SIL1: variants seen among roughly 807,000 people sequenced by gnomAD.
SIL1 encodes nucleotide exchange factor SIL1.
Under a neutral mutation model 49.1 loss-of-function variants are expected in SIL1, and 40 were observed. That is an observed-to-expected ratio of 0.81 (90% CI 0.63 to 1.06). The LOEUF is 1.06. Among genes scored for constraint, SIL1 ranks in the 50% least tolerant of loss-of-function variants. The pLI is 0.00. For missense variants in SIL1, 500 were observed against 572.6 expected (o/e 0.87, Z 1.29); for synonymous variants, 253 against 250.8 (o/e 1.01, Z -0.08).
chr5:139,082,170 C>A (rs1049259168), intron 3 of SIL1, among the ~76,000 whole-genome samples: 9 of 152,156 alleles, frequency 5.9e-5, no homozygotes, highest in African/African-American at 1.9e-4. Flanking sequence ...TAGTACAATT[C>A]GACAAATGTT....
intron 4 of SIL1, among the ~76,000 whole-genome samples, chr5:139,049,071 C>T (rs1189108884): frequency 6.6e-6 from 1 of 152,194 alleles, no homozygotes; most frequent in African/African-American, 2.4e-5. Context: ...GCACATGGAC[C>T]AGCTGAGTGA....
intron 2 of SIL1, 35 bp from the exon 3 acceptor site, chr5:139,121,208 A>C: frequency 6.2e-7 from 1 of 1,613,712 alleles, no homozygotes; most frequent in East Asian, 2.2e-5. Flanking sequence ...GACCCACTGC[A>C]ACTAGGCGCC....
chr5:139,028,985 TA>T (rs1327873133), intron 5 of SIL1, among the ~76,000 whole-genome samples: 1 of 152,220 alleles, frequency 6.6e-6, no homozygotes, highest in Non-Finnish European at 1.5e-5. Context: ...TTCTGGCATT[TA>T]AAAAATGTTA....
At chr5:139,035,642 C>CTTTTTTTTT (rs759319838) in intron 5 of SIL1, 2 of 153,102 alleles carry the variant, frequency 1.3e-5, no homozygotes, top group African/African-American at 9.7e-5. Flanking sequence ...AGGTATACAA[C>CTTTTTTTTT]TTTTTTTTTT....
intron 7 of SIL1, among the ~76,000 whole-genome samples, chr5:138,983,508 G>A (rs1444710611): frequency 2.7e-4 from 37 of 136,382 alleles, no homozygotes; most frequent in South Asian, 2.3e-3. Flanking sequence ...ATTTTGTCTC[G>A]AAAAAAAAAA....
At chr5:139,171,526 A>G (rs1231704443) in intron 1 of SIL1, among the ~76,000 whole-genome samples, 2 of 151,756 alleles carry the variant, frequency 1.3e-5, no homozygotes, top group Admixed American at 1.3e-4. Flanking sequence ...AATCATCACC[A>G]CTCCCTAATC....
intron 9 of SIL1, among the ~76,000 whole-genome samples, chr5:138,950,746 C>T (rs1021377879): frequency 1.3e-5 from 2 of 152,220 alleles, no homozygotes; most frequent in African/African-American, 4.8e-5. Flanking sequence ...ACTCTGAGGC[C>T]CTGCCCAGAG....
At chr5:139,048,083 T>A (rs1004740513) in intron 4 of SIL1, among the ~76,000 whole-genome samples, 1 of 152,194 alleles carries the variant, frequency 6.6e-6, no homozygotes, top group Non-Finnish European at 1.5e-5. Flanking sequence ...AACCAACAAA[T>A]AAACTCCAAA....
At chr5:139,121,996 G>A (rs1750650116) in intron 2 of SIL1, among the ~76,000 whole-genome samples, 2 of 152,002 alleles carry the variant, frequency 1.3e-5, no homozygotes, top group African/African-American at 4.8e-5. Context: ...AAGTAATAAG[G>A]CCTCAGGAAA....
chr5:139,191,221 CAAAAA>C (rs773259762), intron 1 of SIL1, among the ~76,000 whole-genome samples: 1 of 67,900 alleles, frequency 1.5e-5, no homozygotes, highest in Non-Finnish European at 2.6e-5. Flanking sequence ...GACTCTGTCT[CAAAAA>C]AAAAAAAAAA....
At position 139,180,602 on chromosome 5, in the gene SIL1, A is replaced by G. The variant is rs370764218; in HGVS notation, c.-11+17667T>C. 2.0e-5 allele frequency among the ~76,000 whole-genome samples: 3 copies of G among 152,198 alleles called. No individual in the cohort carries two copies. The East Asian group carries it at 5.8e-4, about 29-fold the overall frequency. ...GAGCACAACCCACCACAATTGATACATACAAAACTGAGATGCACCACCACT... is the reference window on the plus strand; with the variant it reads ...GAGCACAACCCACCACAATTGATACGTACAAAACTGAGATGCACCACCACT... On this transcript the variant is annotated intron_variant, in intron 1 of 9. Coordinates refer to ENST00000394817, the MANE Select transcript of SIL1 (RefSeq NM_022464.5).
intron 3 of SIL1, among the ~76,000 whole-genome samples, chr5:139,096,673 G>C (rs1040808821): frequency 6.6e-6 from 1 of 151,880 alleles, no homozygotes; most frequent in African/African-American, 2.4e-5. Context: ...CTAGGCCCTA[G>C]CTCCCAGATG....
At chr5:139,064,618 C>T (rs1387944531) in intron 3 of SIL1, among the ~76,000 whole-genome samples, 1 of 152,176 alleles carries the variant, frequency 6.6e-6, no homozygotes, top group Non-Finnish European at 1.5e-5. Context: ...AGTTTTGGAT[C>T]GTTGGTATTG....
At position 138,953,089 on chromosome 5, in the gene SIL1, C is replaced by G. The variant is rs1305333462; in HGVS notation, c.768-1205G>C. 6.6e-5 allele frequency among the ~76,000 whole-genome samples: 10 copies of G among 152,386 alleles called. No homozygotes were observed. In the East Asian group the frequency reaches 1.9e-3, roughly 29 times the overall value. On this transcript the variant is annotated intron_variant, in intron 7 of 9. Transcript: ENST00000394817. ...GATGGTGGCTGTCACACCCATCCAA[C>G]TAGCCCACAAAGGACACCGCAGTCT...
At chr5:139,170,178 GCC>G (rs1193890098) in intron 1 of SIL1, among the ~76,000 whole-genome samples, 3 of 152,198 alleles carry the variant, frequency 2.0e-5, no homozygotes, top group Admixed American at 2.0e-4. Flanking sequence ...GCTCAATGGT[GCC>G]CAGGCTGGAG....
At chr5:138,993,123 G>C (rs553562464) in intron 7 of SIL1, among the ~76,000 whole-genome samples, 2 of 152,096 alleles carry the variant, frequency 1.3e-5, no homozygotes, top group Non-Finnish European at 2.9e-5. Flanking sequence ...ACTACGTTTT[G>C]GCCAACAGAT....
chr5:139,087,744 A>C (rs932592861), intron 3 of SIL1, among the ~76,000 whole-genome samples: 3 of 152,174 alleles, frequency 2.0e-5, no homozygotes, highest in African/African-American at 4.8e-5. Context: ...GGGGAAGGCC[A>C]CAGGAGAAGT....
chr5:139,082,581 ATAATAATGGATTCCCTAAGGG>A (rs1770107947), intron 3 of SIL1, among the ~76,000 whole-genome samples: 4 of 152,250 alleles, frequency 2.6e-5, no homozygotes, highest in Non-Finnish European at 4.4e-5. Context: ...GGAGACTGGT[ATAATAATGGATTCCCTAAGGG>A]CTGAACAGCT....
intron 1 of SIL1, among the ~76,000 whole-genome samples, chr5:139,150,326 C>A (rs1751271800): frequency 6.6e-6 from 1 of 152,156 alleles, no homozygotes; most frequent in Non-Finnish European, 1.5e-5. Flanking sequence ...CACGTCTCAT[C>A]CTCCTCCAGG....
Sources: gnomAD v4.1 joint callset for allele counts (sites outside exome capture counted in the v4.1 genomes callset) on GRCh38, gnomAD v4.1.1 for gene constraint, MANE v1.5 for transcripts, NCBI Gene and HGNC (gene_info 2026-07-23, HGNC 2026-07-21) for gene names.